CHUK: variants seen among roughly 807,000 people sequenced by gnomAD.
CHUK encodes component of inhibitor of nuclear factor kappa B kinase complex.
In CHUK, 35 loss-of-function variants were observed where a neutral mutation model predicts 104.8. That is an observed-to-expected ratio of 0.33 (90% CI 0.26 to 0.44). The LOEUF (loss-of-function observed/expected upper bound fraction) is 0.44. Ranked by LOEUF, CHUK falls within the 20% of genes least tolerant of loss-of-function variation. CHUK has a pLI of 1.00. For missense variants in CHUK, 663 were observed against 902.7 expected, an observed-to-expected ratio of 0.73 and a Z score of 3.40; for synonymous variants, 276 against 291.9, an observed-to-expected ratio of 0.95 and a Z score of 0.56.
At chr10:100,214,153 C>G (rs1331959220) in intron 9 of CHUK, among the ~76,000 whole-genome samples, 1 of 152,142 alleles carries the variant, frequency 6.6e-6, no homozygotes, top group East Asian at 1.9e-4. Flanking sequence ...TGGCATCTCA[C>G]TACCAAAGCT....
intron 9 of CHUK, among the ~76,000 whole-genome samples, chr10:100,211,153 T>C (rs769895958): frequency 2.0e-5 from 3 of 152,176 alleles, no homozygotes; most frequent in Non-Finnish European, 4.4e-5. Flanking sequence ...TAGACAACAG[T>C]ACAATAAGCC....
At chr10:100,190,498 T>C (rs1326761289) in intron 20 of CHUK, 2 of 264,568 alleles carry the variant, frequency 7.6e-6, no homozygotes, top group Admixed American at 1.0e-4. Context: ...ACATAATTTA[T>C]TTTCTATTCG....
chr10:100,202,094 A>G lies in CHUK; in HGVS notation c.1563T>C (p.Tyr521=). The part of the protein sequence containing the change: ...WKEMEEKAIH[Y]AEVGVIGYLE... ...ATGACGTCAATGATTTTACCTCAGC[A>G]TAGTGGATGGCCTTTTCTTCCATTT... The change falls in exon 14 of 21, where the codon TAT becomes TAC. Residue 521 remains tyrosine (Y), a synonymous_variant. Transcript: ENST00000370397. The G allele has an allele frequency of 6.2e-7, 1 of 1,609,632 alleles. No individual in the cohort carries two copies. The highest frequency in any genetic ancestry group is 1.1e-5 in the South Asian group (1 of 90,988).
At chr10:100,217,213 C>T (rs1845877092) in intron 9 of CHUK, among the ~76,000 whole-genome samples, 1 of 150,628 alleles carries the variant, frequency 6.6e-6, no homozygotes, top group South Asian at 2.1e-4. Flanking sequence ...GGGAAAGCCC[C>T]CCCAAAAAAC....
chr10:100,189,652 C>A (rs977879093), intron 20 of CHUK, 25 bp from the exon 21 acceptor site: 10 of 1,586,508 alleles, frequency 6.3e-6, no homozygotes, highest in African/African-American at 5.4e-5. Context: ...GAAAAAGTTA[C>A]AATTAGATGT....
intron 16 of CHUK, among the ~76,000 whole-genome samples, chr10:100,198,508 G>T (rs1845389187): frequency 6.6e-6 from 1 of 152,264 alleles, no homozygotes; most frequent in East Asian, 1.9e-4. Context: ...TCATACTAAG[G>T]TGAAAGCCAT....
chr10:100,211,258 T>C (rs1006372671), intron 9 of CHUK, among the ~76,000 whole-genome samples: 4 of 152,214 alleles, frequency 2.6e-5, no homozygotes, highest in African/African-American at 9.7e-5. Flanking sequence ...TCCTGATTTA[T>C]TGCTTTATCT....
intron 1 of CHUK, 151 bp downstream of exon 1, chr10:100,229,277 C>A: frequency 1.5e-6 from 1 of 689,148 alleles, no homozygotes; most frequent in Admixed American, 2.1e-5. Context: ...GTATCTTTCT[C>A]TCTAATACAC....
chr10:100,225,283 C>T (rs1174694713), intron 2 of CHUK, among the ~76,000 whole-genome samples: 2 of 152,238 alleles, frequency 1.3e-5, no homozygotes, highest in Non-Finnish European at 2.9e-5. Flanking sequence ...CTGGCAAACA[C>T]CATTCTACTT....
intron 20 of CHUK, chr10:100,190,325 C>T (rs1480068835): frequency 6.0e-6 from 1 of 167,270 alleles, no homozygotes; most frequent in Non-Finnish European, 1.3e-5. Flanking sequence ...CTGGCCACTG[C>T]TATTTTTCTT....
intron 13 of CHUK, 40 bp from the exon 14 acceptor site, chr10:100,202,189 A>T: frequency 7.4e-7 from 1 of 1,353,792 alleles, no homozygotes; most frequent in Non-Finnish European, 1.1e-6. Flanking sequence ...AGAAATAGCC[A>T]TATCTTTAAT....
intron 2 of CHUK, among the ~76,000 whole-genome samples, chr10:100,224,032 C>T (rs779813784): frequency 1.3e-5 from 2 of 152,180 alleles, no homozygotes; most frequent in Non-Finnish European, 2.9e-5. Context: ...TGGAGTCTCA[C>T]TTCCAAGTAA....
In CHUK at chr10:100,229,557, G is replaced by T; in HGVS notation, c.-25C>A. 1 of 1,455,978 alleles carries T rather than the reference G, an allele frequency of 6.9e-7. No individual in the cohort carries two copies. The highest frequency in any genetic ancestry group is 9.3e-7 in the Non-Finnish European group (1 of 1,080,090). 90.2% of individuals were successfully genotyped at this position (1,455,978 alleles called of 1,614,324 possible). ...TGGGGCGGGAGGGCAAGCGGCCTCA[G>T]GTTCCACAGTTGTTCCAAGGCCGGT... is the stretch of plus-strand genomic sequence containing the variant. On this transcript the variant is annotated 5_prime_UTR_variant, in exon 1 of 21. The change creates a new upstream start codon in the 5' untranslated region. Coordinates refer to ENST00000370397, the MANE Select transcript of CHUK (RefSeq NM_001278.5).
At chr10:100,216,035 T>C (rs1168860765) in intron 9 of CHUK, among the ~76,000 whole-genome samples, 1 of 152,194 alleles carries the variant, frequency 6.6e-6, no homozygotes, top group Non-Finnish European at 1.5e-5. Context: ...TTACTGTCCT[T>C]GAGATAGAGA....
At position 100,204,563 on chromosome 10, in the gene CHUK, G is replaced by T; in HGVS notation, c.1450C>A (p.His484Asn). 1 of 1,613,512 alleles carries T rather than the reference G, an allele frequency of 6.2e-7. No homozygotes were observed. Among genetic ancestry groups the T allele is most frequent in the Non-Finnish European group, 8.5e-7 (1 of 1,179,614 alleles). Reference sequence around the variant, plus strand: ...TCCAAGTCAAGCTGAATGCTTTTGTGAAAAAACTCCAATTTAGCTTTCAGT... The same window carrying T: ...TCCAAGTCAAGCTGAATGCTTTTGTTAAAAAACTCCAATTTAGCTTTCAGT... ...QQLKAKLEFF[H>N]KSIQLDLERY... The change falls in exon 13 of 21, where the codon CAC becomes AAC. Residue 484 changes from histidine to asparagine, a missense_variant. His to Asn is a moderately conservative substitution (Grantham distance 68, BLOSUM62 1). Coordinates refer to ENST00000370397, the MANE Select transcript of CHUK (RefSeq NM_001278.5).
chr10:100,218,861 A>G, intron 7 of CHUK, 36 bp from the exon 8 acceptor site: 1 of 1,554,642 alleles, frequency 6.4e-7, no homozygotes, highest in Non-Finnish European at 8.9e-7. Context: ...TGACAAAGTG[A>G]TTCTCACAAA....
At chr10:100,203,991 G>A (rs954860645) in intron 13 of CHUK, among the ~76,000 whole-genome samples, 1 of 152,200 alleles carries the variant, frequency 6.6e-6, no homozygotes, top group Admixed American at 6.5e-5. Flanking sequence ...CTGGTTCCTA[G>A]ATGACCATCT....
chr10:100,205,120 T>A lies in CHUK; in HGVS notation c.1311A>T (p.Leu437=), dbSNP rs749921281. The change falls in exon 12 of 21, where the codon CTA becomes CTT. Residue 437 remains leucine, a synonymous_variant. Coordinates refer to ENST00000370397, the MANE Select transcript of CHUK (RefSeq NM_001278.5). ...GAAAGAGCCTGCTATAGTCTTCTTT[T>A]AGTCCAGACACATAGTGCACTGCTT... ...WAEAVHYVSG[L]KEDYSRLFQG... 2.5e-6 allele frequency: 4 copies of A among 1,614,142 alleles called. No individual in the cohort carries two copies. The South Asian group carries it at 4.4e-5, about 18-fold the overall frequency.
intron 9 of CHUK, among the ~76,000 whole-genome samples, chr10:100,212,306 C>CT (rs1451093448): frequency 1.3e-5 from 2 of 152,242 alleles, no homozygotes; most frequent in African/African-American, 4.8e-5. Context: ...TAACGCTTAT[C>CT]TTTTTTCTTT....
Sources: gnomAD v4.1 joint callset for allele counts (sites outside exome capture counted in the v4.1 genomes callset) on GRCh38, gnomAD v4.1.1 for gene constraint, MANE v1.5 for transcripts, NCBI Gene and HGNC (gene_info 2026-07-23, HGNC 2026-07-21) for gene names.